Variants in CDK14 observed in about 807,000 individuals in gnomAD.
The protein encoded by CDK14 is cyclin-dependent kinase 14.
CDK14 carries 34 observed loss-of-function variants against 60.7 expected under a neutral mutation model. That is an observed-to-expected ratio of 0.56 (90% CI 0.43 to 0.75). The LOEUF (loss-of-function observed/expected upper bound fraction) is 0.75, where lower values mean the gene tolerates loss of function less well. Ranked by LOEUF, CDK14 falls within the 30% of genes least tolerant of loss-of-function variation. CDK14 has a pLI of 0.00. For missense variants in CDK14, 482 were observed against 564.1 expected, an observed-to-expected ratio of 0.85 and a Z score of 1.47; for synonymous variants, 197 against 203.7, an observed-to-expected ratio of 0.97 and a Z score of 0.28.
Position 91,109,882 on chromosome 7 carries a change from T to C in CDK14, c.1155-2660T>C, listed in dbSNP as rs1240672139. 1.3e-5 allele frequency among the ~76,000 whole-genome samples: 2 copies of C among 152,054 alleles called. 1 individual carries two copies. The highest frequency in any genetic ancestry group is 2.9e-5 in the Non-Finnish European group (2 of 67,950). On this transcript the variant is annotated intron_variant, in intron 12 of 14. Coordinates refer to ENST00000380050, the MANE Select transcript of CDK14 (RefSeq NM_001287135.2). The stretch of plus-strand genomic sequence containing the variant: ...ATAAAGAGTGTCATGACATAAGGAT[T>C]AAAGACTGAATTTACCAAGAAGAGA...
rs1021762494 is a variant in CDK14 at position 90,709,875 on chromosome 7, G to C, written c.124-16692G>C. The C allele has an allele frequency of 3.7e-6, 5 of 1,344,468 alleles. No individual in the cohort carries two copies. The African/African-American group carries it at 7.6e-5, about 20-fold the overall frequency. The allele number at this position is 1,344,468 out of a possible 1,614,324, so 83.3% of individuals were successfully genotyped here. A position where few individuals can be genotyped will look rare whatever the true frequency, so the allele number is the denominator to read the frequency against. ...AGATGTGAATTCAGTTGCTGTATGA[G>C]CCTGGCCTGGTGCAAACACATTGCT... On this transcript the variant is annotated intron_variant, in intron 2 of 14. Coordinates refer to ENST00000380050, the MANE Select transcript of CDK14 (RefSeq NM_001287135.2).
intron 5 of CDK14, among the ~76,000 whole-genome samples, chr7:90,859,473 C>T (rs1790933486): frequency 6.6e-6 from 1 of 152,002 alleles, no homozygotes; most frequent in South Asian, 2.1e-4. Flanking sequence ...AATTGTGTAT[C>T]TAAAATATTA....
At chr7:90,968,297 T>G (rs1273419066) in intron 9 of CDK14, among the ~76,000 whole-genome samples, 2 of 152,180 alleles carry the variant, frequency 1.3e-5, no homozygotes, top group Non-Finnish European at 2.9e-5. Flanking sequence ...AAACAATAGT[T>G]GAAAAAGAAC....
chr7:90,662,771 T>C (rs926585337), intron 2 of CDK14, among the ~76,000 whole-genome samples: 1 of 152,198 alleles, frequency 6.6e-6, no homozygotes, highest in Non-Finnish European at 1.5e-5. Context: ...AGGAAATATT[T>C]GTAGAAAGGT....
At chr7:90,952,812 C>A (rs1170907408) in intron 8 of CDK14, among the ~76,000 whole-genome samples, 1 of 152,182 alleles carries the variant, frequency 6.6e-6, no homozygotes, top group Non-Finnish European at 1.5e-5. Context: ...TTCACACATG[C>A]TGTGCTAATT....
At chr7:90,655,628 G>A (rs1314390776) in intron 2 of CDK14, among the ~76,000 whole-genome samples, 1 of 152,158 alleles carries the variant, frequency 6.6e-6, no homozygotes, top group Non-Finnish European at 1.5e-5. Context: ...TTGCACATGA[G>A]CAACGTACTC....
intron 8 of CDK14, among the ~76,000 whole-genome samples, chr7:90,949,079 A>AT (rs1226107626): frequency 6.6e-6 from 1 of 152,246 alleles, no homozygotes; most frequent in Admixed American, 6.5e-5. Flanking sequence ...CCTATACTGT[A>AT]TATGAAAGTT....
At chr7:91,106,719 G>A (rs1040784112) in intron 12 of CDK14, among the ~76,000 whole-genome samples, 1 of 152,128 alleles carries the variant, frequency 6.6e-6, no homozygotes, top group Admixed American at 6.5e-5. Flanking sequence ...AAGTTAAGGA[G>A]CCATCCACTT....
chr7:91,001,813 A>C (rs1428412175), intron 10 of CDK14, among the ~76,000 whole-genome samples: 1 of 152,214 alleles, frequency 6.6e-6, no homozygotes, highest in African/African-American at 2.4e-5. Flanking sequence ...TCATGTAACC[A>C]GAGCTGTCAG....
At chr7:91,131,325 C>A (rs1800110826) in intron 14 of CDK14, among the ~76,000 whole-genome samples, 1 of 152,040 alleles carries the variant, frequency 6.6e-6, no homozygotes, top group African/African-American at 2.4e-5. Flanking sequence ...TTCACCACTT[C>A]ATGTCAAGAA....
At chr7:91,060,673 G>C (rs1231452678) in intron 11 of CDK14, among the ~76,000 whole-genome samples, 1 of 152,074 alleles carries the variant, frequency 6.6e-6, no homozygotes, top group African/African-American at 2.4e-5. Context: ...TAGTTTGGCT[G>C]GATATGAAAT....
At chr7:90,736,344 G>GCTTT (rs1563063351) in intron 3 of CDK14, among the ~76,000 whole-genome samples, 36 of 40,944 alleles carry the variant, frequency 8.8e-4, no homozygotes, top group Non-Finnish European at 1.1e-3. Flanking sequence ...ACTTTATTAT[G>GCTTT]TTTTTGTTTT....
rs561082515 is a variant in CDK14, at chr7:90,998,715, C to T, written c.1041+14474C>T. Among the ~76,000 whole-genome samples, 5 of 152,128 alleles carry T rather than the reference C, an allele frequency of 3.3e-5. No homozygotes were observed. In the South Asian group the frequency reaches 6.2e-4, roughly 19 times the overall value. On this transcript the variant is annotated intron_variant, in intron 10 of 14. Transcript: ENST00000380050. ...CGTCCTGGCTAACACGGTGAAACCC[C>T]GTCTCTATTAAAAATACAAAAAAAT...
At chr7:90,786,132 T>C (rs532121195) in intron 4 of CDK14, among the ~76,000 whole-genome samples, 2 of 152,254 alleles carry the variant, frequency 1.3e-5, no homozygotes, top group South Asian at 4.1e-4. Flanking sequence ...ATGACAGTTA[T>C]TGGAAAAATA....
chr7:91,116,191 A>G (rs1262040677), intron 13 of CDK14, among the ~76,000 whole-genome samples: 1 of 152,246 alleles, frequency 6.6e-6, no homozygotes, highest in Non-Finnish European at 1.5e-5. Flanking sequence ...ATTGAAGCTG[A>G]ACTACCCTTG....
chr7:90,807,193 G>A (rs1285573562), intron 5 of CDK14, among the ~76,000 whole-genome samples: 2 of 152,238 alleles, frequency 1.3e-5, no homozygotes, highest in Admixed American at 1.3e-4. Flanking sequence ...TGACCCCCGA[G>A]TAGCGTAAGT....
At chr7:90,668,699 CTTTTTT>C (rs59773768) in intron 2 of CDK14, among the ~76,000 whole-genome samples, 23,592 of 88,476 alleles carry the variant, frequency 0.27, 3,702 homozygotes, top group Non-Finnish European at 0.32. Context: ...GACTCGCATT[CTTTTTT>C]TTTTTTTTTT....
At chr7:91,138,593 T>C (rs1376601295) in intron 14 of CDK14, among the ~76,000 whole-genome samples, 1 of 152,208 alleles carries the variant, frequency 6.6e-6, no homozygotes, top group African/African-American at 2.4e-5. Context: ...TTTCACTTTC[T>C]TTAAATCTAC....
intron 14 of CDK14, among the ~76,000 whole-genome samples, chr7:91,162,183 A>G (rs1801187668): frequency 6.6e-6 from 1 of 152,246 alleles, no homozygotes; most frequent in South Asian, 2.1e-4. Flanking sequence ...ACTTTGTAAC[A>G]CATGGAAACA....
Sources: allele counts gnomAD v4.1 joint callset (sites outside exome capture counted in the v4.1 genomes callset), GRCh38; gene constraint gnomAD v4.1.1; transcripts MANE v1.5; gene names NCBI Gene and HGNC (gene_info 2026-07-23, HGNC 2026-07-21).